EXTL3: variants seen among roughly 807,000 people sequenced by gnomAD.
EXTL3 encodes the protein exostosin like glycosyltransferase 3.
A neutral mutation model predicts 69.3 loss-of-function variants in EXTL3; 27 were observed. The observed-to-expected ratio is 0.39, with a 90% CI of 0.29 to 0.54. EXTL3 has a LOEUF of 0.54. Ranked by LOEUF, EXTL3 falls within the 20% of genes least tolerant of loss-of-function variation. The pLI, the probability that EXTL3 is intolerant of heterozygous loss-of-function variation, is 0.69. For synonymous variants in EXTL3, 511 were observed against 499.4 expected, an observed-to-expected ratio of 1.02 and a Z score of -0.31; for missense variants, 1,003 against 1,231.8, an observed-to-expected ratio of 0.81 and a Z score of 2.78.
At chr8:28,615,910 C>T (rs768322562) in intron 2 of EXTL3, among the ~76,000 whole-genome samples, 33 of 152,090 alleles carry the variant, frequency 2.2e-4, no homozygotes, top group Non-Finnish European at 4.6e-4. Context: ...CATAGTATGT[C>T]TTTCTCCAGC....
At chr8:28,667,359 G>C (rs1807213067) in intron 1 of EXTL3, among the ~76,000 whole-genome samples, 1 of 152,190 alleles carries the variant, frequency 6.6e-6, no homozygotes, top group South Asian at 2.1e-4. Context: ...GCCTGGTCAA[G>C]AAGAGCATTC....
rs35988722 is a variant in EXTL3, at chr8:28,718,436, A to G, written c.2148+229A>G. Among the ~76,000 whole-genome samples, 12 of 152,234 alleles carry G rather than the reference A, an allele frequency of 7.9e-5. No homozygotes were observed. In the East Asian group the frequency reaches 1.2e-3, roughly 15 times the overall value. On this transcript the variant is annotated intron_variant, in intron 3 of 6. Transcript: ENST00000220562. Reference sequence around the variant, plus strand: ...TCACTTCCTAAATCGAGGATCCCCAAAACTGAAACTGATTTTATATTCAAT... The same window carrying G: ...TCACTTCCTAAATCGAGGATCCCCAGAACTGAAACTGATTTTATATTCAAT...
chr8:28,654,396 A>G (rs1263851487), intron 1 of EXTL3, among the ~76,000 whole-genome samples: 2 of 152,048 alleles, frequency 1.3e-5, no homozygotes, highest in African/African-American at 2.4e-5. Context: ...TTGCTTTTTT[A>G]AAGACAGGAT....
intron 1 of EXTL3, among the ~76,000 whole-genome samples, chr8:28,657,982 G>A (rs1563438275): frequency 6.6e-6 from 1 of 152,168 alleles, no homozygotes; most frequent in African/African-American, 2.4e-5. Flanking sequence ...CTGGTAACTG[G>A]TGAGGACAGC....
chr8:28,635,155 T>G (rs770203733), intron 1 of EXTL3, among the ~76,000 whole-genome samples: 1 of 152,102 alleles, frequency 6.6e-6, no homozygotes, highest in Non-Finnish European at 1.5e-5. Context: ...GAATGGAAAC[T>G]GAAGCAAGGA....
At position 28,668,609 on chromosome 8, in the gene EXTL3, T is replaced by C. The variant is rs957361295; in HGVS notation, c.-52-44848T>C. Reference sequence around the variant, plus strand: ...GCCTCGGCTTCCCAAAATGCTGAGATTACAGGCGTGAGCCACTGTGCCTAG... The same window carrying C: ...GCCTCGGCTTCCCAAAATGCTGAGACTACAGGCGTGAGCCACTGTGCCTAG... On this transcript the variant is annotated intron_variant, in intron 1 of 6. Coordinates refer to the EXTL3 transcript ENST00000523149. Among the ~76,000 whole-genome samples, 3 of 152,064 alleles carry C rather than the reference T, an allele frequency of 2.0e-5. No individual in the cohort carries two copies. The East Asian group carries it at 5.8e-4, about 29-fold the overall frequency.
Position 28,750,667 on chromosome 8 carries a change from G to C in EXTL3, c.2561G>C (p.Arg854Pro). Residue 854 changes from arginine (R) to proline (P), a missense_variant, in exon 7 of 7, where the codon CGG (arginine) becomes CCG (proline). Transcript: ENST00000220562. The surrounding 1 kb of genome is among the most constrained non-coding windows in gnomAD (Gnocchi z 5.2). ...TRKPPIKVTS[R>P]WTFRCPGCPQ... is the part of the protein sequence containing the mutation. The stretch of plus-strand genomic sequence containing the variant: ...CTCTCCCGTTTCCAGGTGACCTCAC[G>C]GTGGACATTCCGATGCCCAGGATGC... The C allele has an allele frequency of 6.2e-7, 1 of 1,613,958 alleles. No homozygotes were observed. The highest frequency in any genetic ancestry group is 8.5e-7 in the Non-Finnish European group (1 of 1,179,878).
At chr8:28,703,783 C>A (rs1274719915) in intron 1 of EXTL3, among the ~76,000 whole-genome samples, 1 of 152,196 alleles carries the variant, frequency 6.6e-6, no homozygotes, top group Non-Finnish European at 1.5e-5. Context: ...CTAAAACTGC[C>A]TACTCCATTC....
Position 28,716,917 on chromosome 8 carries a change from C to G in EXTL3, c.858C>G (p.Asn286Lys). 8.7e-6 allele frequency: 14 copies of G among 1,614,196 alleles called. No homozygotes were observed. Among genetic ancestry groups the G allele is most frequent in the African/African-American group, 1.3e-5 (1 of 75,028 alleles). Residue 286 changes from asparagine (N) to lysine (K), a missense_variant, in exon 3 of 7, where the codon AAC becomes AAG. Physicochemically the swap from Asn to Lys is moderately conservative, Grantham distance 94 (BLOSUM62 0). Around this residue, in one of 2 missense-constraint regions of EXTL3, gnomAD observed 742 missense variants for 815.4 expected, o/e 0.91. Coordinates refer to ENST00000220562, the MANE Select transcript of EXTL3 (RefSeq NM_001440.4). The surrounding 1 kb of genome is among the most constrained non-coding windows in gnomAD (Gnocchi z 7.1). ...INLSRKSDTQNLLYNVSTGRA... is the reference protein window; with the variant it reads ...INLSRKSDTQKLLYNVSTGRA... ...TGTCACGTAAGTCAGATACACAGAA[C>G]CTTCTCTATAACGTCAGTACTGGCC... is the stretch of plus-strand genomic sequence containing the variant.
intron 3 of EXTL3, among the ~76,000 whole-genome samples, chr8:28,725,924 G>A (rs898151592): frequency 1.0e-4 from 15 of 150,564 alleles, no homozygotes; most frequent in South Asian, 2.1e-4. Flanking sequence ...CTTAGAGGCC[G>A]TGCTGATCTG....
chr8:28,717,520 G>C lies in EXTL3; in HGVS notation c.1461G>C (p.Lys487Asn). 1 of 1,614,262 alleles carries C rather than the reference G, an allele frequency of 6.2e-7. No homozygotes were observed. Among genetic ancestry groups the C allele is most frequent in the Non-Finnish European group, 8.5e-7 (1 of 1,180,050 alleles). ...ACGAGGCGGCCCTGGTGGTGCCAAAGCCTCGTGTTACCGAGGTTCATTTCC... is the reference window on the plus strand; with the variant it reads ...ACGAGGCGGCCCTGGTGGTGCCAAACCCTCGTGTTACCGAGGTTCATTTCC... ...QWNEAALVVPKPRVTEVHFLL... is the reference protein window; with the variant it reads ...QWNEAALVVPNPRVTEVHFLL... The change falls in exon 3 of 7, where the codon AAG becomes AAC. Residue 487 changes from lysine to asparagine, a missense_variant. Lys to Asn is a moderately conservative substitution (Grantham distance 94, BLOSUM62 0). Transcript: ENST00000220562. The surrounding 1 kb of genome is among the most constrained non-coding windows in gnomAD (Gnocchi z 8.3).
At chr8:28,707,337 T>G (rs760057822) in intron 1 of EXTL3, among the ~76,000 whole-genome samples, 2 of 152,244 alleles carry the variant, frequency 1.3e-5, no homozygotes, top group Non-Finnish European at 2.9e-5. Context: ...GATACACCAC[T>G]GCTTCATCGG....
At chr8:28,749,493 C>T (rs1801959248) in intron 6 of EXTL3, among the ~76,000 whole-genome samples, 3 of 152,216 alleles carry the variant, frequency 2.0e-5, no homozygotes, top group African/African-American at 7.2e-5. Flanking sequence ...CCTCCCTGCT[C>T]CCCTCCATGG....
chr8:28,745,002 A>G (rs911246651), intron 6 of EXTL3, among the ~76,000 whole-genome samples: 3 of 152,000 alleles, frequency 2.0e-5, no homozygotes, highest in African/African-American at 7.3e-5. Context: ...GTTCTAGACT[A>G]AGTACCCACC....
chr8:28,749,662 CATTA>C (rs753101916), intron 6 of EXTL3, among the ~76,000 whole-genome samples: 71 of 149,636 alleles, frequency 4.7e-4, no homozygotes, highest in African/African-American at 1.6e-3. Flanking sequence ...TTCATTCATT[CATTA>C]TTCATTGTTT....
intron 1 of EXTL3, among the ~76,000 whole-genome samples, chr8:28,625,274 C>T (rs1223799349): frequency 1.3e-5 from 2 of 152,056 alleles, no homozygotes; most frequent in African/African-American, 4.8e-5. Flanking sequence ...AAGTAGGGGC[C>T]GGCATATTTC....
intron 1 of EXTL3, among the ~76,000 whole-genome samples, chr8:28,704,903 C>T (rs1449754374): frequency 1.3e-5 from 2 of 152,230 alleles, no homozygotes; most frequent in African/African-American, 2.4e-5. Context: ...CTTCCACCCA[C>T]CTCAGCCTCC....
chr8:28,744,534 C>T (rs991031692), intron 6 of EXTL3, among the ~76,000 whole-genome samples: 9 of 152,210 alleles, frequency 5.9e-5, no homozygotes, highest in African/African-American at 2.2e-4. Context: ...GTGGCTTACG[C>T]CTATAATCCC....
chr8:28,631,126 T>C (rs545585391), intron 1 of EXTL3, among the ~76,000 whole-genome samples: 6 of 149,640 alleles, frequency 4.0e-5, no homozygotes, highest in Non-Finnish European at 8.8e-5. Context: ...AGTACACAGA[T>C]TCAACTTTAG....
Sources: allele counts gnomAD v4.1 joint callset (sites outside exome capture counted in the v4.1 genomes callset), GRCh38; gene constraint gnomAD v4.1.1; regional missense constraint gnomAD v4.1.1; non-coding constraint Gnocchi (gnomAD v3.1); transcripts MANE v1.5; gene names NCBI Gene and HGNC (gene_info 2026-07-23, HGNC 2026-07-21).